INTS1: variants seen among roughly 807,000 people sequenced by gnomAD.
INTS1 encodes integrator complex subunit 1.
In INTS1, 137 loss-of-function variants were observed where a neutral mutation model predicts 241.6. The observed-to-expected ratio is 0.57, with a 90% CI of 0.49 to 0.65. The LOEUF is 0.65. INTS1 is among the 30% of genes least tolerant of loss of function. INTS1 has a pLI of 0.00. For synonymous variants in INTS1, 1,692 were observed against 1,337.8 expected, an observed-to-expected ratio of 1.26 and a Z score of -5.78; for missense variants, 3,073 against 3,032.2, an observed-to-expected ratio of 1.01 and a Z score of -0.32.
Position 1,498,702 on chromosome 7 carries a change from C to T in INTS1, c.1283+5G>A, listed in dbSNP as rs371750945. 7.1e-5 allele frequency: 110 copies of T among 1,550,384 alleles called. No homozygotes were observed. Among genetic ancestry groups the T allele is most frequent in the African/African-American group, 5.4e-4 (39 of 72,834 alleles). ...ACCCCCGCTCTGCCCCGGCTCGCCACGCACCTGATGCACAGCATGAAGTGG... is the reference window on the plus strand; with the variant it reads ...ACCCCCGCTCTGCCCCGGCTCGCCATGCACCTGATGCACAGCATGAAGTGG... On this transcript the variant is annotated splice_donor_5th_base_variant and intron_variant, in intron 9 of 47. Coordinates refer to ENST00000404767, the MANE Select transcript of INTS1 (RefSeq NM_001080453.3).
chr7:1,499,186 G>A (rs918897708), intron 7 of INTS1, 25 bp from the exon 8 acceptor site: 2 of 1,605,886 alleles, frequency 1.2e-6, no homozygotes, highest in East Asian at 2.2e-5. Context: ...GGAGCGAGGA[G>A]GGAGGAAGGT....
chr7:1,486,771 G>A lies in INTS1; in HGVS notation c.2830C>T (p.Gln944Ter). 6.2e-7 allele frequency: 1 copy of A among 1,612,334 alleles called. No homozygotes were observed. Among genetic ancestry groups the A allele is most frequent in the Non-Finnish European group, 8.5e-7 (1 of 1,179,720 alleles). ...CCCAGCAGCTGCCGCTGCTTCTGTT[G>A]CCTCTGCAGGGAGGAAGGGGCTCTC... ...KEQKAKKRQR[Q>*]QKQRQLLGRL... The change falls in exon 22 of 48, where the codon CAA (glutamine) becomes TAA (stop). Residue 944 changes from glutamine to a stop codon, truncating the protein, a stop_gained. Coordinates refer to ENST00000404767, the MANE Select transcript of INTS1 (RefSeq NM_001080453.3). LOFTEE classifies it high-confidence loss of function.
At chr7:1,477,440 G>C (rs1781775335) in intron 35 of INTS1, 110 bp downstream of exon 35, 1 of 1,240,576 alleles carries the variant, frequency 8.1e-7, no homozygotes, top group African/African-American at 1.5e-5. Context: ...AGAGCAGGGG[G>C]GGTGCTGGGG....
intron 1 of INTS1, 47 bp from the exon 2 acceptor site, chr7:1,504,048 T>C (rs1783340928): frequency 9.9e-7 from 1 of 1,009,112 alleles, no homozygotes; most frequent in South Asian, 1.6e-5. Context: ...ATTCGCTCGT[T>C]CGCTCGCTCA....
At chr7:1,502,878 G>C (rs769546981) in intron 3 of INTS1, 23 bp downstream of exon 3, 1 of 1,612,584 alleles carries the variant, frequency 6.2e-7, no homozygotes, top group Non-Finnish European at 8.5e-7. Flanking sequence ...GGTGTTCTCG[G>C]GGGATGTCCA....
chr7:1,486,898 GGCTGAGGGGT>G lies in INTS1; in HGVS notation c.2826+14_2826+23del. 6.3e-7 allele frequency: 1 copy of G among 1,588,630 alleles called. No homozygotes were observed. The highest frequency in any genetic ancestry group is 8.5e-7 in the Non-Finnish European group (1 of 1,172,230). On this transcript the variant is annotated intron_variant, in intron 21 of 47. Coordinates refer to ENST00000404767, the MANE Select transcript of INTS1 (RefSeq NM_001080453.3). Reference sequence around the variant, plus strand: ...AGGGGTGCGGGGTGAGAGGCGGGGGGGCTGAGGGGTGGGCGGCCCTGACCTGCCGCTTCTT... The same window carrying G: ...AGGGGTGCGGGGTGAGAGGCGGGGGGGGGCGGCCCTGACCTGCCGCTTCTT...
chr7:1,503,722 C>T (rs1783317054), intron 2 of INTS1, among the ~76,000 whole-genome samples, 181 bp downstream of exon 2: 1 of 152,226 alleles, frequency 6.6e-6, no homozygotes, highest in Non-Finnish European at 1.5e-5. Context: ...CTGTCCCAAG[C>T]CTCCCAGGGA....
intron 39 of INTS1, among the ~76,000 whole-genome samples, chr7:1,475,041 A>T (rs1781646102): frequency 6.6e-6 from 1 of 152,244 alleles, no homozygotes; most frequent in African/African-American, 2.4e-5. Flanking sequence ...ACAGAATAAA[A>T]GCAAAGCTCC....
intron 16 of INTS1, among the ~76,000 whole-genome samples, chr7:1,490,023 T>C (rs996585406): frequency 2.0e-5 from 3 of 152,156 alleles, no homozygotes; most frequent in African/African-American, 7.2e-5. Context: ...GATGGAATTA[T>C]TGTAACGATA....
In INTS1 at chr7:1,476,516, C is replaced by T. The variant is rs756604704; in HGVS notation, c.5151+54G>A. Reference sequence around the variant, plus strand: ...CCGCCTCTCCCGGATGGGCCACCCCCTCTCCCGGATGGGCCACCCCCTCTC... The same window carrying T: ...CCGCCTCTCCCGGATGGGCCACCCCTTCTCCCGGATGGGCCACCCCCTCTC... On this transcript the variant is annotated intron_variant, in intron 37 of 47. Transcript: ENST00000404767. The T allele has an allele frequency of 3.1e-6, 5 of 1,609,390 alleles. No individual in the cohort carries two copies. In the Admixed American group the frequency reaches 8.3e-5, roughly 27 times the overall value.
rs564691781 is a variant in INTS1 at position 1,477,816 on chromosome 7, C to A, written c.4751G>T (p.Ser1584Ile). ...FPACKPVVVV[S>I]SLLLQEEEPL... ...CTCCTCCTCCTGCAGCAGCAGGGAG[C>A]TCACCACCACAACGGGCTTACAGGC... The change falls in exon 34 of 48, where the codon AGC becomes ATC. Residue 1584 changes from serine (S) to isoleucine (I), a missense_variant. Coordinates refer to ENST00000404767, the MANE Select transcript of INTS1 (RefSeq NM_001080453.3). The A allele has an allele frequency of 6.2e-7, 1 of 1,612,580 alleles. No homozygotes were observed. The highest frequency in any genetic ancestry group is 1.3e-5 in the African/African-American group (1 of 75,060).
chr7:1,482,833 G>GAGCCCCGT, intron 26 of INTS1, 126 bp from the exon 27 acceptor site: 8 of 1,153,254 alleles, frequency 6.9e-6, no homozygotes, highest in Non-Finnish European at 9.9e-6. Context: ...AGGAGCACGG[G>GAGCCCCGT]GCTCCTGTGC....
At position 1,498,521 on chromosome 7, in the gene INTS1, C is replaced by T; in HGVS notation, c.1316G>A (p.Gly439Asp). Residue 439 changes from glycine (G) to aspartate (D), a missense_variant, in exon 10 of 48, where the codon GGC becomes GAC. Coordinates refer to ENST00000404767, the MANE Select transcript of INTS1 (RefSeq NM_001080453.3). ...GAAGATCACCAACTTGATGGTGGTG[C>T]CCAGGTTGTCCTTGTGCGCGCTCAG... is the stretch of plus-strand genomic sequence containing the variant. ...ELLSAHKDNL[G>D]TTIKLVIFNE... 1.2e-6 allele frequency: 2 copies of T among 1,613,840 alleles called. No homozygotes were observed. The highest frequency in any genetic ancestry group is 8.5e-7 in the Non-Finnish European group (1 of 1,179,860).
At position 1,478,742 on chromosome 7, in the gene INTS1, C is replaced by T; in HGVS notation, c.4473G>A (p.Gly1491=). 1 of 1,585,128 alleles carries T rather than the reference C, an allele frequency of 6.3e-7. No homozygotes were observed. The highest frequency in any genetic ancestry group is 1.1e-5 in the South Asian group (1 of 87,948). ...LRMLASQASA[G]RRLSDVRGGL... The stretch of plus-strand genomic sequence containing the variant: ...GGTCCTCACCATCACTGAGCCTGCG[C>T]CCGGCTGAGGCCTGGCTGGCAAGCA... The change falls in exon 32 of 48, where the codon GGG becomes GGA. Residue 1491 remains glycine, a synonymous_variant. Coordinates refer to ENST00000404767, the MANE Select transcript of INTS1 (RefSeq NM_001080453.3).
Position 1,486,653 on chromosome 7 carries a change from T to C in INTS1, c.2948A>G (p.Gln983Arg). 1 of 1,612,064 alleles carries C rather than the reference T, an allele frequency of 6.2e-7. No individual in the cohort carries two copies. Residue 983 changes from glutamine to arginine, a missense_variant, in exon 22 of 48, where the codon CAG (glutamine) becomes CGG (arginine). By Grantham distance (43) the Gln-to-Arg change is conservative. Coordinates refer to ENST00000404767, the MANE Select transcript of INTS1 (RefSeq NM_001080453.3). ...CATGGCCAGCACGCGGGAGGCCACCTGGGAGGAGCCGAGGCGCCGCAAGAA... is the reference window on the plus strand; with the variant it reads ...CATGGCCAGCACGCGGGAGGCCACCCGGGAGGAGCCGAGGCGCCGCAAGAA... ...DYFLRRLGSS[Q>R]VASRVLAMKG...
intron 16 of INTS1, among the ~76,000 whole-genome samples, chr7:1,490,505 T>A (rs536111113): frequency 6.6e-6 from 1 of 152,058 alleles, no homozygotes; most frequent in South Asian, 2.1e-4. Context: ...TGAAAGGGTG[T>A]CGCCTCTGGA....
At chr7:1,492,323 G>A (rs991609135) in intron 16 of INTS1, among the ~76,000 whole-genome samples, 3 of 152,292 alleles carry the variant, frequency 2.0e-5, no homozygotes, top group African/African-American at 4.8e-5. Flanking sequence ...GAGCATGCCC[G>A]GGGAAGGAGG....
At chr7:1,498,615 C>T in intron 9 of INTS1, 62 bp from the exon 10 acceptor site, 6 of 1,589,348 alleles carry the variant, frequency 3.8e-6, no homozygotes, top group Non-Finnish European at 4.3e-6. Flanking sequence ...TCCGCCTGTG[C>T]CCCCACTCCG....
chr7:1,484,221 C>G (rs910339910), intron 24 of INTS1, 51 bp from the exon 25 acceptor site: 2 of 1,561,094 alleles, frequency 1.3e-6, no homozygotes, highest in East Asian at 2.3e-5. Flanking sequence ...CTCTGCTCTC[C>G]GGCCAGCTGG....
Sources: allele counts gnomAD v4.1 joint callset (sites outside exome capture counted in the v4.1 genomes callset), GRCh38; gene constraint gnomAD v4.1.1; transcripts MANE v1.5; gene names NCBI Gene and HGNC (gene_info 2026-07-23, HGNC 2026-07-21).